Variants in PRKDC observed in about 807,000 individuals in gnomAD.
PRKDC encodes DNA-dependent protein kinase catalytic subunit.
A neutral mutation model predicts 486.9 loss-of-function variants in PRKDC; 82 were observed. The ratio of observed to expected loss-of-function variants is 0.17; its 90% CI spans 0.14 to 0.20. The LOEUF (loss-of-function observed/expected upper bound fraction) is 0.20, where lower values mean the gene tolerates loss of function less well. Ranked by LOEUF, PRKDC falls within the 10% of genes least tolerant of loss-of-function variation. PRKDC has a pLI of 1.00. For synonymous variants in PRKDC, 1,895 were observed against 1,837.0 expected (o/e 1.03, Z -0.81); for missense variants, 4,504 against 5,038.2 (o/e 0.89, Z 3.21).
chr8:47,926,202 T>C (rs1213548721), intron 21 of PRKDC, among the ~76,000 whole-genome samples: 1 of 152,236 alleles, frequency 6.6e-6, no homozygotes, highest in East Asian at 1.9e-4. Flanking sequence ...ACTCCTTATA[T>C]AAATGTGAAT....
intron 9 of PRKDC, 109 bp downstream of exon 9, chr8:47,943,744 A>C: frequency 1.0e-6 from 1 of 981,030 alleles, no homozygotes; most frequent in Admixed American, 2.6e-5. Flanking sequence ...TGTGTGAAAC[A>C]TCACAGATGT....
chr8:47,850,102 G>A (rs2088367894), intron 52 of PRKDC, among the ~76,000 whole-genome samples: 1 of 152,108 alleles, frequency 6.6e-6, no homozygotes, highest in African/African-American at 2.4e-5. Context: ...GACCTGTCCT[G>A]TTCCCTACTG....
Position 47,905,311 on chromosome 8 carries a change from G to A in PRKDC, c.2935-335C>T, listed in dbSNP as rs8178061. ...CCCAACGTGCAGGGATTACAGGTAT[G>A]AGCCACCATCCCCAGCCCCATTAGT... is the stretch of plus-strand genomic sequence containing the variant. On this transcript the variant is annotated intron_variant, in intron 25 of 85. Coordinates refer to ENST00000314191, the MANE Select transcript of PRKDC (RefSeq NM_006904.7). Among the ~76,000 whole-genome samples, 1,088 of 152,222 alleles carry A rather than the reference G, an allele frequency of 7.1e-3. 20 individuals are homozygous for A. Among genetic ancestry groups the A allele is most frequent in the African/African-American group, 0.025 (1,054 of 41,522 alleles).
rs924923427 is a variant in PRKDC at position 47,829,570 on chromosome 8, GTTTAT to G, written c.8397+1030_8397+1034del. On this transcript the variant is annotated intron_variant, in intron 61 of 85. Transcript: ENST00000314191. The stretch of plus-strand genomic sequence containing the variant: ...ATACAAATTTGATTTATTCCTTATT[GTTTAT>G]TTTAAGTAATATATTTATCTTGTTA... 3.2e-4 allele frequency among the ~76,000 whole-genome samples: 49 copies of G among 152,088 alleles called. 1 individual carries two copies. In the East Asian group the frequency reaches 6.6e-3, roughly 20 times the overall value.
intron 21 of PRKDC, among the ~76,000 whole-genome samples, chr8:47,919,721 TGG>T (rs2090043172): frequency 6.8e-6 from 1 of 147,220 alleles, no homozygotes; most frequent in African/African-American, 2.5e-5. Flanking sequence ...CAGTTTTTAG[TGG>T]TTTTTTTTTT....
Position 47,930,656 on chromosome 8 carries a change from G to T in PRKDC, c.1892+16C>A. On this transcript the variant is annotated intron_variant, in intron 17 of 85. Transcript: ENST00000314191. Reference sequence around the variant, plus strand: ...AATCATTTTCATTCTTAAATAATTAGAATTTTACCAAATACCTGCAAAATT... The same window carrying T: ...AATCATTTTCATTCTTAAATAATTATAATTTTACCAAATACCTGCAAAATT... The T allele has an allele frequency of 6.5e-7, 1 of 1,541,844 alleles. No individual in the cohort carries two copies. The highest frequency in any genetic ancestry group is 8.8e-7 in the Non-Finnish European group (1 of 1,141,052).
At chr8:47,783,459 G>C (rs185714450) in intron 78 of PRKDC, among the ~76,000 whole-genome samples, 1 of 151,574 alleles carries the variant, frequency 6.6e-6, no homozygotes, top group Non-Finnish European at 1.5e-5. Context: ...GCGTGATGGC[G>C]TGCGCCTGTA....
chr8:47,922,708 A>G (rs898692989), intron 21 of PRKDC, among the ~76,000 whole-genome samples: 1 of 152,196 alleles, frequency 6.6e-6, no homozygotes, highest in African/African-American at 2.4e-5. Context: ...GACTGACCCC[A>G]TAAATCTTTG....
At chr8:47,783,530 CA>C in intron 78 of PRKDC, among the ~76,000 whole-genome samples, 1 of 151,754 alleles carries the variant, frequency 6.6e-6, no homozygotes, top group Non-Finnish European at 1.5e-5. Flanking sequence ...GCAGAGGTTG[CA>C]GTGAGCCGAG....
At chr8:47,934,198 A>G in intron 14 of PRKDC, 108 bp from the exon 15 acceptor site, 4 of 1,265,602 alleles carry the variant, frequency 3.2e-6, no homozygotes, top group Non-Finnish European at 4.3e-6. Context: ...TGCCACCCAT[A>G]GGAGACCATA....
At chr8:47,889,350 CG>C (rs2089407327) in intron 32 of PRKDC, 128 bp from the exon 33 acceptor site, 7 of 733,204 alleles carry the variant, frequency 9.5e-6, no homozygotes, top group Non-Finnish European at 1.5e-5. Context: ...CTCTGTAAAA[CG>C]GGGGCACAGT....
At chr8:47,777,264 A>G (rs1028651300) in intron 84 of PRKDC, among the ~76,000 whole-genome samples, 2 of 151,738 alleles carry the variant, frequency 1.3e-5, no homozygotes, top group African/African-American at 4.8e-5. Context: ...GCTGGAGTGC[A>G]GTGGCGTGAT....
At chr8:47,896,603 C>T (rs936005102) in intron 30 of PRKDC, among the ~76,000 whole-genome samples, 2 of 150,838 alleles carry the variant, frequency 1.3e-5, no homozygotes, top group African/African-American at 2.4e-5. Context: ...GCTGAGATAG[C>T]GCCACTGCAG....
At chr8:47,949,375 C>A (rs999743682) in intron 7 of PRKDC, among the ~76,000 whole-genome samples, 2 of 152,230 alleles carry the variant, frequency 1.3e-5, no homozygotes, top group African/African-American at 4.8e-5. Flanking sequence ...GTCTGAGTGG[C>A]AGTTTACTAA....
intron 61 of PRKDC, among the ~76,000 whole-genome samples, chr8:47,829,504 T>A (rs1296005586): frequency 1.3e-5 from 2 of 152,178 alleles, no homozygotes; most frequent in East Asian, 3.8e-4. Flanking sequence ...AATCATCAAA[T>A]GCAAAAAATT....
At chr8:47,831,321 C>A (rs560545898) in intron 60 of PRKDC, among the ~76,000 whole-genome samples, 3 of 152,350 alleles carry the variant, frequency 2.0e-5, no homozygotes, top group South Asian at 2.1e-4. Context: ...ACTGGAGCAC[C>A]GCGAGGGATT....
intron 21 of PRKDC, among the ~76,000 whole-genome samples, chr8:47,919,550 G>A (rs1448738849): frequency 6.6e-6 from 1 of 152,170 alleles, no homozygotes; most frequent in African/African-American, 2.4e-5. Context: ...CGCCGCGGGA[G>A]GGCACCTGCC....
In PRKDC at chr8:47,858,544, A is replaced by G; in HGVS notation, c.6437T>C (p.Leu2146Ser). ...PIVPLNIRLFLAKLVINTEEV... is the reference protein window; with the variant it reads ...PIVPLNIRLFSAKLVINTEEV... The stretch of plus-strand genomic sequence containing the variant: ...TTCTGTATTAATAACAAGCTTGGCT[A>G]AGAAGAGACGGATATTTAATGGTAC... The change falls in exon 48 of 86, where the codon TTA (leucine) becomes TCA (serine). Residue 2146 changes from leucine to serine, a missense_variant. By Grantham distance (145) the Leu-to-Ser change is moderately radical (BLOSUM62 -2). Coordinates refer to ENST00000314191, the MANE Select transcript of PRKDC (RefSeq NM_006904.7). The G allele has an allele frequency of 2.0e-6, 3 of 1,534,572 alleles. No individual in the cohort carries two copies. The Admixed American group carries it at 6.1e-5, about 31-fold the overall frequency.
At chr8:47,791,602 AC>A (rs1322492550) in intron 74 of PRKDC, among the ~76,000 whole-genome samples, 2 of 152,218 alleles carry the variant, frequency 1.3e-5, no homozygotes, top group African/African-American at 4.8e-5. Flanking sequence ...AAGAAAACAT[AC>A]AAATGGTAAA....
Sources: gnomAD v4.1 joint callset for allele counts (sites outside exome capture counted in the v4.1 genomes callset) on GRCh38, gnomAD v4.1.1 for gene constraint, MANE v1.5 for transcripts, NCBI Gene and HGNC (gene_info 2026-07-23, HGNC 2026-07-21) for gene names.